Variants in ARMH3 observed in about 807,000 individuals in gnomAD.
ARMH3 encodes armadillo-like helical domain-containing protein 3.
Under a neutral mutation model 99.1 loss-of-function variants are expected in ARMH3, and 60 were observed. The ratio of observed to expected loss-of-function variants is 0.61; its 90% CI spans 0.49 to 0.75. ARMH3 has a LOEUF of 0.75. Among genes scored for constraint, ARMH3 ranks in the 30% least tolerant of loss-of-function variants. ARMH3 has a pLI of 0.00. For missense variants in ARMH3, 679 were observed against 843.1 expected (o/e 0.81, Z 2.41); for synonymous variants, 285 against 292.8 (o/e 0.97, Z 0.27).
chr10:101,963,364 C>T (rs998621548), intron 20 of ARMH3, among the ~76,000 whole-genome samples: 1 of 151,990 alleles, frequency 6.6e-6, no homozygotes, highest in Non-Finnish European at 1.5e-5. Flanking sequence ...ATCTCCTGAC[C>T]TCGTGATCCG....
chr10:101,922,237 A>G (rs1216985698), intron 23 of ARMH3, among the ~76,000 whole-genome samples: 1 of 152,174 alleles, frequency 6.6e-6, no homozygotes, highest in Admixed American at 6.5e-5. Context: ...AGTTGGTAAC[A>G]TTCTATTCCT....
chr10:101,953,288 C>T (rs1339442623), intron 22 of ARMH3, among the ~76,000 whole-genome samples: 1 of 152,152 alleles, frequency 6.6e-6, no homozygotes, highest in Non-Finnish European at 1.5e-5. Context: ...CACTGCCACA[C>T]CTAGATAAAT....
At chr10:101,970,934 A>AAAACAT (rs1448628100) in intron 20 of ARMH3, among the ~76,000 whole-genome samples, 1 of 152,018 alleles carries the variant, frequency 6.6e-6, no homozygotes, top group African/African-American at 2.4e-5. Context: ...AATCATTGTA[A>AAAACAT]AAACATATGA....
At position 101,889,445 on chromosome 10, in the gene ARMH3, A is replaced by G. The variant is rs2067633118; in HGVS notation, c.1827T>C (p.Ala609=). The change falls in exon 24 of 26, where the codon GCT becomes GCC. Residue 609 remains alanine, a synonymous_variant. Transcript: ENST00000370033. ...HFNPKIESYA[A]VNHISQLSEE... is the part of the protein sequence containing the mutation. The stretch of plus-strand genomic sequence containing the variant: ...CTGACAGTTGGGATATGTGATTCAC[A>G]GCAGCGTAGGACTCAATTTTGGGGT... The G allele has an allele frequency of 6.2e-7, 1 of 1,613,958 alleles. No individual in the cohort carries two copies. Among genetic ancestry groups the G allele is most frequent in the South Asian group, 1.1e-5 (1 of 91,090 alleles).
chr10:101,969,135 T>C (rs1845663064), intron 20 of ARMH3, among the ~76,000 whole-genome samples: 1 of 152,170 alleles, frequency 6.6e-6, no homozygotes, highest in Non-Finnish European at 1.5e-5. Flanking sequence ...CTCTAGTTTT[T>C]ACTGCTATGT....
At chr10:101,928,864 G>A (rs1843613556) in intron 23 of ARMH3, among the ~76,000 whole-genome samples, 1 of 152,100 alleles carries the variant, frequency 6.6e-6, no homozygotes, top group South Asian at 2.1e-4. Flanking sequence ...CCGAGGAGCT[G>A]GGATTACAAG....
chr10:102,043,005 G>C (rs1201395505), intron 1 of ARMH3, among the ~76,000 whole-genome samples: 1 of 152,240 alleles, frequency 6.6e-6, no homozygotes, highest in Non-Finnish European at 1.5e-5. Context: ...CTGGGAGGTA[G>C]AGGTTGCGGT....
intron 6 of ARMH3, among the ~76,000 whole-genome samples, chr10:102,024,892 A>G (rs1479056017): frequency 6.6e-6 from 1 of 152,174 alleles, no homozygotes; most frequent in Non-Finnish European, 1.5e-5. Flanking sequence ...CAAGTCTGAC[A>G]ACCCAGAAGA....
At chr10:101,995,571 G>A (rs1187614522) in intron 15 of ARMH3, among the ~76,000 whole-genome samples, 3 of 152,142 alleles carry the variant, frequency 2.0e-5, no homozygotes, top group Admixed American at 6.5e-5. Context: ...TATCCTGGTA[G>A]TCTGTTAAAT....
At chr10:102,048,850 G>A (rs890571304) in intron 1 of ARMH3, among the ~76,000 whole-genome samples, 2 of 152,062 alleles carry the variant, frequency 1.3e-5, no homozygotes, top group Non-Finnish European at 1.5e-5. Flanking sequence ...AAACCTTTAC[G>A]CAAAAGTTAC....
intron 22 of ARMH3, among the ~76,000 whole-genome samples, chr10:101,946,792 A>C (rs1844551675): frequency 6.6e-6 from 1 of 152,072 alleles, no homozygotes; most frequent in African/African-American, 2.4e-5. Flanking sequence ...ATTTGGTGAG[A>C]GTCAAGAAGC....
chr10:101,942,005 C>T (rs1293834842), intron 22 of ARMH3, among the ~76,000 whole-genome samples: 1 of 152,102 alleles, frequency 6.6e-6, no homozygotes, highest in African/African-American at 2.4e-5. Flanking sequence ...GAACTCTGTC[C>T]ACGGATTACT....
At chr10:102,055,786 C>G (rs977543108) in intron 1 of ARMH3, among the ~76,000 whole-genome samples, 2 of 152,196 alleles carry the variant, frequency 1.3e-5, no homozygotes, top group African/African-American at 4.8e-5. Flanking sequence ...CCTCGGAAGC[C>G]AGAAGGCCCC....
intron 15 of ARMH3, among the ~76,000 whole-genome samples, chr10:101,996,193 G>A (rs544831207): frequency 3.6e-4 from 55 of 152,296 alleles, no homozygotes; most frequent in South Asian, 2.1e-3. Context: ...GTAAGAAGAG[G>A]ATCATGCCAG....
chr10:101,931,889 C>G (rs925371863), intron 23 of ARMH3, among the ~76,000 whole-genome samples: 1 of 152,076 alleles, frequency 6.6e-6, no homozygotes, highest in Non-Finnish European at 1.5e-5. Context: ...ACATAAGCAA[C>G]AAGCGAAAAA....
chr10:102,023,635 G>A (rs1439396436), intron 7 of ARMH3, 40 bp downstream of exon 7: 2 of 1,609,696 alleles, frequency 1.2e-6, no homozygotes, highest in Non-Finnish European at 1.7e-6. Context: ...AATTTGAAGA[G>A]GTGGTTTACC....
At chr10:101,998,699 G>A (rs1320493753) in intron 15 of ARMH3, among the ~76,000 whole-genome samples, 1 of 152,074 alleles carries the variant, frequency 6.6e-6, no homozygotes, top group Non-Finnish European at 1.5e-5. Context: ...CCGAATCCTG[G>A]TCTTCTCCTC....
chr10:101,993,063 G>A (rs768481703), intron 17 of ARMH3, among the ~76,000 whole-genome samples: 4 of 151,938 alleles, frequency 2.6e-5, no homozygotes, highest in African/African-American at 9.7e-5. Context: ...CTGAGGTCAG[G>A]AGCTGGAGAC....
intron 22 of ARMH3, among the ~76,000 whole-genome samples, chr10:101,944,261 TATATATATATATAG>T (rs1844383524): frequency 1.5e-5 from 1 of 67,376 alleles, no homozygotes; most frequent in African/African-American, 7.2e-5. Flanking sequence ...TATATATATA[TATATATATATATAG>T]AGAGAGAGAG....
Sources: allele counts gnomAD v4.1 joint callset (sites outside exome capture counted in the v4.1 genomes callset), GRCh38; gene constraint gnomAD v4.1.1; transcripts MANE v1.5; gene names NCBI Gene and HGNC (gene_info 2026-07-23, HGNC 2026-07-21).